RECK: variants seen among roughly 807,000 people sequenced by gnomAD.
The protein encoded by RECK is reversion inducing cysteine rich protein with kazal motifs.
A neutral mutation model predicts 115.1 loss-of-function variants in RECK; 69 were observed. The ratio of observed to expected loss-of-function variants is 0.60; its 90% CI spans 0.49 to 0.73. RECK has a LOEUF of 0.73. Among genes scored for constraint, RECK ranks in the 30% least tolerant of loss-of-function variants. The probability of loss-of-function intolerance (pLI) is 0.00; values close to 1 mark genes in which losing one functional copy is unlikely to be tolerated. For synonymous variants in RECK, 414 were observed against 419.7 expected, an observed-to-expected ratio of 0.99 and a Z score of 0.17; for missense variants, 1,047 against 1,203.7, an observed-to-expected ratio of 0.87 and a Z score of 1.93.
At chr9:36,099,265 AAC>A (rs1823471752) in intron 10 of RECK, among the ~76,000 whole-genome samples, 2 of 144,358 alleles carry the variant, frequency 1.4e-5, no homozygotes, top group East Asian at 2.0e-4. Context: ...CAACAACAAC[AAC>A]AACAGTGGAG....
In RECK at chr9:36,087,925, T is replaced by G. The variant is rs771617772; in HGVS notation, c.869T>G (p.Leu290Trp). 145 of 1,613,618 alleles carry G rather than the reference T, an allele frequency of 9.0e-5. 2 individuals carry two copies. In the South Asian group the frequency reaches 1.3e-3, roughly 14 times the overall value. ...PPSTGLDGAKLHCCSKANTST... is the reference protein window; with the variant it reads ...PPSTGLDGAKWHCCSKANTST... The stretch of plus-strand genomic sequence containing the variant: ...TCTACAGGCCTCGATGGGGCTAAAT[T>G]GCATTGTTGTTCTAAAGCAAACACT... The change falls in exon 9 of 21, where the codon TTG becomes TGG. Residue 290 changes from leucine to tryptophan, a missense_variant. Coordinates refer to ENST00000377966, the MANE Select transcript of RECK (RefSeq NM_021111.3).
At chr9:36,052,380 C>T (rs1821343364) in intron 2 of RECK, 57 bp downstream of exon 2, 2 of 1,336,556 alleles carry the variant, frequency 1.5e-6, no homozygotes, top group Non-Finnish European at 2.1e-6. Flanking sequence ...TGCCTGTAAT[C>T]CCAGCACTTT....
intron 1 of RECK, among the ~76,000 whole-genome samples, chr9:36,042,153 C>T (rs1820891943): frequency 6.6e-6 from 1 of 151,480 alleles, no homozygotes; most frequent in African/African-American, 2.4e-5. Flanking sequence ...GATTTTGGTG[C>T]ACCCATCACT....
chr9:36,110,953 C>T (rs1163584013), intron 15 of RECK, among the ~76,000 whole-genome samples: 2 of 152,156 alleles, frequency 1.3e-5, no homozygotes, highest in Non-Finnish European at 2.9e-5. Context: ...CTACCCCAGC[C>T]TTCACTGCTT....
rs1466416083 is a variant in RECK at position 36,078,286 on chromosome 9, C to G, written c.406-2319C>G. On this transcript the variant is annotated intron_variant, in intron 6 of 20. Transcript: ENST00000377966. ...GGACTAGATGATTTCTCACATTTCG[C>G]AGGTTTTATCTCCTTTAGTAGTACC... Among the ~76,000 whole-genome samples the G allele has an allele frequency of 2.0e-5, 3 of 152,240 alleles. No individual in the cohort carries two copies. In the South Asian group the frequency reaches 6.2e-4, roughly 31 times the overall value.
At chr9:36,081,907 A>G (rs991813868) in intron 7 of RECK, among the ~76,000 whole-genome samples, 1 of 151,950 alleles carries the variant, frequency 6.6e-6, no homozygotes, top group Non-Finnish European at 1.5e-5. Context: ...GTTTGGTAGT[A>G]GTTGCAAGTT....
intron 6 of RECK, among the ~76,000 whole-genome samples, chr9:36,066,466 T>G (rs1822003793): frequency 6.6e-6 from 1 of 152,134 alleles, no homozygotes; most frequent in Non-Finnish European, 1.5e-5. Flanking sequence ...GGTTATAGTT[T>G]TTATTTTTTT....
chr9:36,086,453 A>G (rs932790603), intron 8 of RECK, among the ~76,000 whole-genome samples: 3 of 152,056 alleles, frequency 2.0e-5, no homozygotes, highest in Non-Finnish European at 4.4e-5. Flanking sequence ...GAAGCCGCAG[A>G]CCTTCGCAGT....
At chr9:36,107,906 G>A (rs1823884875) in intron 13 of RECK, 70 bp from the exon 14 acceptor site, 4 of 1,061,402 alleles carry the variant, frequency 3.8e-6, no homozygotes, top group African/African-American at 1.6e-5. Context: ...TTTATCAAGT[G>A]TATATCTAAT....
chr9:36,061,242 AAG>A (rs942392048), intron 4 of RECK, among the ~76,000 whole-genome samples: 8 of 152,022 alleles, frequency 5.3e-5, no homozygotes, highest in African/African-American at 1.9e-4. Context: ...TTAAAAAAAA[AAG>A]AGTATACCTT....
At chr9:36,108,580 A>T (rs976530416) in intron 14 of RECK, among the ~76,000 whole-genome samples, 1 of 152,054 alleles carries the variant, frequency 6.6e-6, no homozygotes, top group East Asian at 1.9e-4. Flanking sequence ...GTTGACTCCA[A>T]ATCCCTTACG....
intron 1 of RECK, among the ~76,000 whole-genome samples, chr9:36,038,033 C>T (rs1387993267): frequency 1.3e-5 from 2 of 150,094 alleles, no homozygotes; most frequent in South Asian, 4.2e-4. Context: ...CAAAGTCAGC[C>T]GGGTGCGGTA....
At chr9:36,040,179 GAC>G (rs1364106322) in intron 1 of RECK, among the ~76,000 whole-genome samples, 1 of 152,166 alleles carries the variant, frequency 6.6e-6, no homozygotes, top group Admixed American at 6.5e-5. Flanking sequence ...AGAGGTGATA[GAC>G]AATAAATAGA....
chr9:36,078,255 G>A (rs1279631545), intron 6 of RECK, among the ~76,000 whole-genome samples: 1 of 152,208 alleles, frequency 6.6e-6, no homozygotes, highest in Non-Finnish European at 1.5e-5. Flanking sequence ...ATTAAATAAG[G>A]AAGTTGGACT....
intron 16 of RECK, among the ~76,000 whole-genome samples, chr9:36,112,764 G>T (rs190058394): frequency 9.9e-5 from 15 of 152,282 alleles, no homozygotes; most frequent in African/African-American, 3.6e-4. Flanking sequence ...TGCAGGCAAG[G>T]TTTGCAGTAG....
At chr9:36,119,957 G>A (rs532861827) in intron 18 of RECK, among the ~76,000 whole-genome samples, 9 of 152,204 alleles carry the variant, frequency 5.9e-5, no homozygotes, top group South Asian at 2.1e-4. Context: ...TGAATCGGTC[G>A]GGCGTGGTGG....
At chr9:36,112,556 CAGAA>C in intron 16 of RECK, 80 bp downstream of exon 16, 1 of 1,437,342 alleles carries the variant, frequency 7.0e-7, no homozygotes, top group Non-Finnish European at 9.7e-7. Flanking sequence ...ACAGTGAAAA[CAGAA>C]AGGTAAATTA....
At chr9:36,098,161 C>T (rs944098664) in intron 10 of RECK, among the ~76,000 whole-genome samples, 1 of 152,090 alleles carries the variant, frequency 6.6e-6, no homozygotes, top group Non-Finnish European at 1.5e-5. Flanking sequence ...AATGTGGTAA[C>T]TATAGTTAAC....
At chr9:36,103,043 G>A (rs898627036) in intron 12 of RECK, among the ~76,000 whole-genome samples, 2 of 151,844 alleles carry the variant, frequency 1.3e-5, no homozygotes, top group South Asian at 2.1e-4. Flanking sequence ...AAATACTCCC[G>A]CCAAAAGCTA....
Sources: allele counts gnomAD v4.1 joint callset (sites outside exome capture counted in the v4.1 genomes callset), GRCh38; gene constraint gnomAD v4.1.1; transcripts MANE v1.5; gene names NCBI Gene and HGNC (gene_info 2026-07-23, HGNC 2026-07-21).